Variants in MICAL3 observed in about 807,000 individuals in gnomAD.
The protein encoded by MICAL3 is [F-actin]-monooxygenase MICAL3.
MICAL3 carries 62 observed loss-of-function variants against 207.4 expected under a neutral mutation model. The ratio of observed to expected loss-of-function variants is 0.30; its 90% CI spans 0.24 to 0.37. The LOEUF (loss-of-function observed/expected upper bound fraction) is 0.37, where lower values mean the gene tolerates loss of function less well. Ranked by LOEUF, MICAL3 falls within the 10% of genes least tolerant of loss-of-function variation. The pLI is 1.00. For synonymous variants in MICAL3, 1,077 were observed against 1,069.3 expected (o/e 1.01, Z -0.14); for missense variants, 2,368 against 2,635.6 (o/e 0.90, Z 2.22).
At chr22:17,934,145 C>A (rs1006705319) in intron 1 of MICAL3, among the ~76,000 whole-genome samples, 2 of 152,106 alleles carry the variant, frequency 1.3e-5, no homozygotes, top group Non-Finnish European at 2.9e-5. Context: ...GGCAGAGACA[C>A]AACAACAACA....
At chr22:17,850,463 T>A (rs1348797194) in intron 19 of MICAL3, among the ~76,000 whole-genome samples, 1 of 137,320 alleles carries the variant, frequency 7.3e-6, no homozygotes, top group East Asian at 2.3e-4. Context: ...CAGGCTGGAG[T>A]GCAGTGGTGC....
intron 1 of MICAL3, chr22:18,019,994 T>C: frequency 6.7e-6 from 1 of 149,782 alleles, no homozygotes; most frequent in Non-Finnish European, 1.5e-5. Context: ...TTTGTATTTT[T>C]AGTAAAGACG....
intron 1 of MICAL3, among the ~76,000 whole-genome samples, chr22:17,956,625 C>T (rs1258030932): frequency 2.0e-5 from 3 of 152,150 alleles, no homozygotes; most frequent in Admixed American, 6.5e-5. Context: ...GCCAAGATCA[C>T]GCCATTGCAC....
chr22:17,890,483 A>G (rs1008580144), intron 12 of MICAL3, among the ~76,000 whole-genome samples: 1 of 152,118 alleles, frequency 6.6e-6, no homozygotes, highest in Non-Finnish European at 1.5e-5. Context: ...TTTCTTTGGC[A>G]GGAGTGAATA....
chr22:17,977,973 G>A (rs1048604539), intron 1 of MICAL3, among the ~76,000 whole-genome samples: 1 of 152,068 alleles, frequency 6.6e-6, no homozygotes, highest in Admixed American at 6.6e-5. Flanking sequence ...GGTGAGCAGA[G>A]ATCACAGCAC....
At chr22:17,849,634 C>G (rs1925024485) in intron 19 of MICAL3, among the ~76,000 whole-genome samples, 1 of 143,186 alleles carries the variant, frequency 7.0e-6, no homozygotes, top group Non-Finnish European at 1.5e-5. Flanking sequence ...TGTGCCTGGC[C>G]CAGAATGGAA....
chr22:17,901,968 G>T lies in MICAL3; in HGVS notation c.601C>A (p.Arg201=), dbSNP rs868594284. The change falls in exon 5 of 32, where the codon CGG becomes AGG. Residue 201 remains arginine (R), a synonymous_variant. Transcript: ENST00000441493. The part of the protein sequence containing the change: ...EDQENERIGW[R]ALVHPKTHPV... ...TGAGTCTTGGGGTGCACCAGTGCCCGCCAGCCTATCCCTGTGAACCAAAAC... is the reference window on the plus strand; with the variant it reads ...TGAGTCTTGGGGTGCACCAGTGCCCTCCAGCCTATCCCTGTGAACCAAAAC... The T allele has an allele frequency of 6.2e-7, 1 of 1,612,526 alleles. No homozygotes were observed. Among genetic ancestry groups the T allele is most frequent in the East Asian group, 2.2e-5 (1 of 44,864 alleles).
At chr22:17,936,391 C>T (rs1933529473) in intron 1 of MICAL3, among the ~76,000 whole-genome samples, 1 of 152,042 alleles carries the variant, frequency 6.6e-6, no homozygotes, top group African/African-American at 2.4e-5. Context: ...CACTTGGACA[C>T]AGGGCGGGGA....
chr22:17,932,153 A>G lies in MICAL3; in HGVS notation c.-74-25267T>C, dbSNP rs139588278. Among the ~76,000 whole-genome samples the G allele has an allele frequency of 4.0e-3, 607 of 152,338 alleles. 3 individuals are homozygous for G. Among genetic ancestry groups the G allele is most frequent in the African/African-American group, 0.014 (573 of 41,572 alleles). ...CACCACAAAGATACTCCTTGAGAAG[A>G]GCAACCCCAAGACACATAATTGGCA... On this transcript the variant is annotated intron_variant, in intron 1 of 31. Transcript: ENST00000441493.
In MICAL3 at chr22:17,986,961, T is replaced by C. The variant is rs1327210175; in HGVS notation, c.-75+37320A>G. ...CCATCCTGGAAGAATCATTTTCGAC[T>C]GGCGTGGTGGCTCACATCTGTAATT... On this transcript the variant is annotated intron_variant, in intron 1 of 31. Transcript: ENST00000441493. Among the ~76,000 whole-genome samples, 3 of 152,102 alleles carry C rather than the reference T, an allele frequency of 2.0e-5. No homozygotes were observed. In the East Asian group the frequency reaches 5.8e-4, roughly 29 times the overall value.
At chr22:17,926,603 T>C (rs746055710) in intron 1 of MICAL3, among the ~76,000 whole-genome samples, 20 of 152,224 alleles carry the variant, frequency 1.3e-4, no homozygotes, top group Non-Finnish European at 1.8e-4. Flanking sequence ...CCCAAACTTA[T>C]GTCTCTCCCT....
intron 1 of MICAL3, among the ~76,000 whole-genome samples, chr22:17,992,707 C>T (rs897135728): frequency 1.3e-5 from 2 of 152,288 alleles, no homozygotes; most frequent in East Asian, 3.9e-4. Flanking sequence ...AACCCGGAGG[C>T]CGCCAATTCA....
At position 17,817,826 on chromosome 22, in the gene MICAL3, G is replaced by A. The variant is rs369249751; in HGVS notation, c.4835C>T (p.Ala1612Val). ...KSVKSQALRDAMARQLSRMQQ... is the reference protein window; with the variant it reads ...KSVKSQALRDVMARQLSRMQQ... ...CATCCTGCTCAGCTGCCTGGCCATG[G>A]CGTCCCGCAGCGCCTGGCTCTTCAC... Residue 1612 changes from alanine (A) to valine (V), a missense_variant, in exon 26 of 32, where the codon GCC (alanine) becomes GTC (valine). Ala to Val is a moderately conservative substitution (Grantham distance 64, BLOSUM62 0). Around this residue, in one of 4 missense-constraint regions of MICAL3, gnomAD observed 1,770 missense variants for 1,863.2 expected, o/e 0.95. Transcript: ENST00000441493. The A allele has an allele frequency of 1.1e-5, 17 of 1,610,678 alleles. No individual in the cohort carries two copies. Among genetic ancestry groups the A allele is most frequent in the Non-Finnish European group, 1.4e-5 (17 of 1,178,920 alleles).
At chr22:17,812,477 G>A (rs949049938) in intron 27 of MICAL3, 18 of 983,254 alleles carry the variant, frequency 1.8e-5, no homozygotes, top group African/African-American at 3.5e-5. Context: ...TGCATGCAAC[G>A]GTGACCAGCT....
chr22:17,832,353 TCTC>T (rs1922892245), intron 20 of MICAL3, among the ~76,000 whole-genome samples: 1 of 152,048 alleles, frequency 6.6e-6, no homozygotes, highest in African/African-American at 2.4e-5. Context: ...CTCACGCACT[TCTC>T]CTCAGGTGGA....
At chr22:18,011,578 A>G (rs1309861608) in intron 1 of MICAL3, among the ~76,000 whole-genome samples, 1 of 147,288 alleles carries the variant, frequency 6.8e-6, no homozygotes, top group African/African-American at 2.5e-5. Flanking sequence ...AAAAATATAT[A>G]TATAAATAAA....
chr22:17,835,721 T>C (rs1303479012), intron 20 of MICAL3, among the ~76,000 whole-genome samples: 1 of 152,174 alleles, frequency 6.6e-6, no homozygotes, highest in Non-Finnish European at 1.5e-5. Flanking sequence ...TCAGATCTAG[T>C]CATCAGGATC....
intron 27 of MICAL3, chr22:17,815,526 CA>C (rs1423803131): frequency 2.0e-5 from 3 of 152,330 alleles, no homozygotes; most frequent in African/African-American, 7.2e-5. Context: ...AGCCCCAGTG[CA>C]ACTGGGAAAG....
At chr22:17,824,389 G>A (rs1454294100) in intron 22 of MICAL3, among the ~76,000 whole-genome samples, 1 of 152,250 alleles carries the variant, frequency 6.6e-6, no homozygotes, top group Non-Finnish European at 1.5e-5. Context: ...AAAGCCATGT[G>A]GAAATGGGAG....
Sources: allele counts gnomAD v4.1 joint callset (sites outside exome capture counted in the v4.1 genomes callset), GRCh38; gene constraint gnomAD v4.1.1; regional missense constraint gnomAD v4.1.1; transcripts MANE v1.5; gene names NCBI Gene and HGNC (gene_info 2026-07-23, HGNC 2026-07-21).